DOCK11: variants seen among roughly 807,000 people sequenced by gnomAD.
DOCK11 encodes dedicator of cytokinesis 11.
Under a neutral mutation model 169.1 loss-of-function variants are expected in DOCK11, and 70 were observed. The ratio of observed to expected loss-of-function variants is 0.41; its 90% CI spans 0.34 to 0.51. The LOEUF is 0.51. DOCK11 is among the 20% of genes least tolerant of loss of function. DOCK11 has a pLI of 0.10. For missense variants in DOCK11, 1,166 were observed against 1,538.8 expected (o/e 0.76, Z 4.05); for synonymous variants, 529 against 541.3 (o/e 0.98, Z 0.32).
chrX:118,672,577 C>T (rs900944535), intron 46 of DOCK11, among the ~76,000 whole-genome samples: 7 of 112,281 alleles, frequency 6.2e-5, no homozygotes, highest in African/African-American at 9.7e-5. Flanking sequence ...GGATTACAGG[C>T]GCCCGCCACC....
chrX:118,496,612 A>T (rs1446484334), intron 1 of DOCK11, among the ~76,000 whole-genome samples: 1 of 112,222 alleles, frequency 8.9e-6, no homozygotes, highest in African/African-American at 3.2e-5. Context: ...CGGTGAGAAC[A>T]GAGGAAGCAG....
At chrX:118,557,349 T>TAGTGA (rs2012730174) in intron 6 of DOCK11, among the ~76,000 whole-genome samples, 1 of 110,766 alleles carries the variant, frequency 9.0e-6, no homozygotes, top group Non-Finnish European at 1.9e-5. Flanking sequence ...GTAAACTGTG[T>TAGTGA]GGATAGTGAG....
intron 6 of DOCK11, among the ~76,000 whole-genome samples, chrX:118,560,347 A>G (rs192161807): frequency 2.7e-3 from 299 of 111,787 alleles, no homozygotes; most frequent in African/African-American, 9.3e-3. Flanking sequence ...CAAAATGATC[A>G]GGGATCATAT....
intron 7 of DOCK11, among the ~76,000 whole-genome samples, chrX:118,564,673 TTCTTTCTTTC>T (rs2013017402): frequency 9.4e-6 from 1 of 106,784 alleles, no homozygotes; most frequent in African/African-American, 3.4e-5. Flanking sequence ...CTAGCTTTCT[TTCTTTCTTTC>T]TCTTTCTTTC....
At chrX:118,617,999 A>C (rs1327289947) in intron 30 of DOCK11, among the ~76,000 whole-genome samples, 1 of 112,244 alleles carries the variant, frequency 8.9e-6, no homozygotes, top group East Asian at 2.8e-4. Context: ...ATTGGAATGA[A>C]ATGAGACTGT....
intron 48 of DOCK11, 123 bp downstream of exon 48, chrX:118,676,860 A>G (rs2016623003): frequency 9.3e-6 from 6 of 642,408 alleles, no homozygotes; most frequent in Non-Finnish European, 1.3e-5. Flanking sequence ...AGATAATAAA[A>G]GAAAGAACAG....
intron 1 of DOCK11, among the ~76,000 whole-genome samples, chrX:118,525,525 G>C (rs1241392076): frequency 9.0e-6 from 1 of 111,374 alleles, no homozygotes; most frequent in Non-Finnish European, 1.9e-5. Context: ...ATGGGCGGGG[G>C]CGGTGTGGAG....
At chrX:118,624,808 G>A (rs2015061364) in intron 32 of DOCK11, among the ~76,000 whole-genome samples, 153 bp downstream of exon 32, 1 of 101,779 alleles carries the variant, frequency 9.8e-6, no homozygotes, top group Non-Finnish European at 2.0e-5. Flanking sequence ...ACCCAGGCTG[G>A]AGTGTAGTGG....
intron 44 of DOCK11, among the ~76,000 whole-genome samples, chrX:118,659,960 C>T (rs768180258): frequency 3.2e-4 from 36 of 111,442 alleles, no homozygotes; most frequent in Non-Finnish European, 4.1e-4. Context: ...TTTTTTTTCT[C>T]CCAGTCATGG....
intron 37 of DOCK11, among the ~76,000 whole-genome samples, chrX:118,638,619 T>G (rs1051010477): frequency 1.8e-5 from 2 of 112,402 alleles, no homozygotes; most frequent in African/African-American, 6.5e-5. Context: ...GGTTACTTGC[T>G]TATTTCAATG....
At chrX:118,631,073 T>C (rs1200094153) in intron 35 of DOCK11, among the ~76,000 whole-genome samples, 1 of 111,148 alleles carries the variant, frequency 9.0e-6, no homozygotes, top group African/African-American at 3.3e-5. Flanking sequence ...CGAAGGACTT[T>C]CATAAACTGC....
chrX:118,652,167 GT>G, intron 42 of DOCK11, 90 bp downstream of exon 42: 1 of 571,098 alleles, frequency 1.8e-6, no homozygotes, highest in Non-Finnish European at 2.9e-6. Flanking sequence ...CACAACTTTT[GT>G]TAGTATAGAA....
rs193227442 is a variant in DOCK11, at chrX:118,632,100, G to A, written c.3886+1610G>A. 9.8e-4 allele frequency among the ~76,000 whole-genome samples: 109 copies of A among 110,751 alleles called. 1 individual carries two copies. Among genetic ancestry groups the A allele is most frequent in the African/African-American group, 3.3e-3 (101 of 30,493 alleles). ...CTCCCGAGTAGCTGGGACTACAGGC[G>A]CCCGCCACCACGCCCGGCTAATTTG... On this transcript the variant is annotated intron_variant, in intron 35 of 52. Transcript: ENST00000276202.
rs193009832 is a variant in DOCK11, at chrX:118,576,872, C to G, written c.1390-1653C>G. ...CTCAAACTCCTGGGCTCAAGCAATC[C>G]TCCCGCCTCAGCCTCCCAAAGTGCT... On this transcript the variant is annotated intron_variant, in intron 12 of 52. Coordinates refer to ENST00000276202, the MANE Select transcript of DOCK11 (RefSeq NM_144658.4). 6.4e-3 allele frequency among the ~76,000 whole-genome samples: 715 copies of G among 112,208 alleles called. 4 individuals are homozygous for G. The highest frequency in any genetic ancestry group is 0.022 in the African/African-American group (687 of 30,942).
intron 39 of DOCK11, 30 bp from the exon 40 acceptor site, chrX:118,643,427 G>T: frequency 8.4e-7 from 1 of 1,185,086 alleles, no homozygotes; most frequent in East Asian, 3.0e-5. Context: ...TCTCAGTGGG[G>T]CATAAACCAT....
intron 14 of DOCK11, among the ~76,000 whole-genome samples, chrX:118,581,577 G>A: frequency 9.1e-6 from 1 of 110,192 alleles, no homozygotes; most frequent in Middle Eastern, 4.7e-3. Flanking sequence ...GCCGAGGCGG[G>A]TGGATCACGA....
At position 118,588,263 on chromosome X, in the gene DOCK11, A is replaced by G. The variant is rs1365521785; in HGVS notation, c.1922A>G (p.Asn641Ser). ...TGTTATCCATTTACTATTTACAAAA[A>G]CCATCTGTATGTATATCCCCTGCAA... is the stretch of plus-strand genomic sequence containing the variant. The part of the protein sequence containing the change: ...KYCYPFTIYK[N>S]HLYVYPLQLK... Residue 641 changes from asparagine (N) to serine (S), a missense_variant, in exon 17 of 53, where the codon AAC becomes AGC. Coordinates refer to ENST00000276202, the MANE Select transcript of DOCK11 (RefSeq NM_144658.4). 7 of 1,201,820 alleles carry G rather than the reference A, an allele frequency of 5.8e-6. No individual in the cohort carries two copies. The highest frequency in any genetic ancestry group is 7.9e-6 in the Non-Finnish European group (7 of 891,161).
chrX:118,685,646 T>C, intron 52 of DOCK11, 42 bp from the exon 53 acceptor site: 1 of 1,190,758 alleles, frequency 8.4e-7, no homozygotes, highest in Non-Finnish European at 1.1e-6. Flanking sequence ...TGGCAGTGGC[T>C]ATTTTGCTTC....
At position 118,627,484 on chromosome X, in the gene DOCK11, G is replaced by C. The variant is rs201552271; in HGVS notation, c.3589-20G>C. The C allele has an allele frequency of 8.8e-7, 1 of 1,138,226 alleles. No homozygotes were observed. The highest frequency in any genetic ancestry group is 1.8e-5 in the African/African-American group (1 of 55,530). 93.8% of individuals were successfully genotyped at this position (1,138,226 alleles called of 1,213,427 possible). ...TATACGAATTTGTTTAAATGACACA[G>C]GTATCATATTCTGTTACAGGCATCC... On this transcript the variant is annotated intron_variant, in intron 32 of 52. Coordinates refer to ENST00000276202, the MANE Select transcript of DOCK11 (RefSeq NM_144658.4).
Sources: allele counts gnomAD v4.1 joint callset (sites outside exome capture counted in the v4.1 genomes callset), GRCh38; gene constraint gnomAD v4.1.1; transcripts MANE v1.5; gene names NCBI Gene and HGNC (gene_info 2026-07-23, HGNC 2026-07-21).